THSD7B: variants seen among roughly 807,000 people sequenced by gnomAD.
THSD7B encodes thrombospondin type 1 domain containing 7B.
A neutral mutation model predicts 213.6 loss-of-function variants in THSD7B; 138 were observed. That is an observed-to-expected ratio of 0.65 (90% CI 0.56 to 0.74). THSD7B has a LOEUF of 0.74. Ranked by LOEUF, THSD7B falls within the 30% of genes least tolerant of loss-of-function variation. The pLI, the probability that THSD7B is intolerant of heterozygous loss-of-function variation, is 0.00. For synonymous variants in THSD7B, 742 were observed against 687.0 expected, an observed-to-expected ratio of 1.08 and a Z score of -1.25; for missense variants, 1,931 against 1,991.5, an observed-to-expected ratio of 0.97 and a Z score of 0.58.
intron 15 of THSD7B, among the ~76,000 whole-genome samples, chr2:137,539,208 ATATT>A (rs1406033869): frequency 2.0e-5 from 3 of 151,836 alleles, no homozygotes; most frequent in African/African-American, 7.2e-5. Flanking sequence ...GACTGGAGTG[ATATT>A]TATAATGCCT....
intron 15 of THSD7B, among the ~76,000 whole-genome samples, chr2:137,471,906 T>G (rs2105093499): frequency 6.6e-6 from 1 of 152,316 alleles, no homozygotes; most frequent in South Asian, 2.1e-4. Context: ...TGTTGTTTTC[T>G]TACGGTTGCT....
intron 2 of THSD7B, among the ~76,000 whole-genome samples, chr2:136,895,659 A>G (rs577053219): frequency 5.6e-4 from 85 of 151,758 alleles, no homozygotes; most frequent in African/African-American, 2.0e-3. Flanking sequence ...TTTAAAATGT[A>G]TAATTCAAAC....
intron 12 of THSD7B, among the ~76,000 whole-genome samples, chr2:137,395,630 T>C (rs1686160855): frequency 6.6e-6 from 1 of 152,236 alleles, no homozygotes; most frequent in African/African-American, 2.4e-5. Context: ...TTCTCTTTTT[T>C]TGTTGTGTCT....
At chr2:137,036,194 A>G (rs1441603272) in intron 2 of THSD7B, among the ~76,000 whole-genome samples, 1 of 152,164 alleles carries the variant, frequency 6.6e-6, no homozygotes, top group African/African-American at 2.4e-5. Context: ...CTTCATATCA[A>G]AACATTCCAT....
chr2:137,092,589 C>A (rs1687969226), intron 3 of THSD7B, among the ~76,000 whole-genome samples: 1 of 152,038 alleles, frequency 6.6e-6, no homozygotes, highest in Non-Finnish European at 1.5e-5. Flanking sequence ...TAAATGATCG[C>A]TCCCCCATTT....
At chr2:137,297,350 C>CT (rs528905312) in intron 12 of THSD7B, among the ~76,000 whole-genome samples, 14,136 of 144,108 alleles carry the variant, frequency 0.098, 797 homozygotes, top group Non-Finnish European at 0.13. Context: ...CTTCCTTCCT[C>CT]TTTTTTTTTT....
chr2:137,489,268 A>G (rs1688552051), intron 15 of THSD7B, among the ~76,000 whole-genome samples: 1 of 151,844 alleles, frequency 6.6e-6, no homozygotes. Flanking sequence ...CTACTAAAAT[A>G]CAAAAAATTA....
rs542332585 is a variant in THSD7B, at chr2:137,310,884, A to G, written c.2500+34858A>G. ...TCTATATCTCTGTTTTGGTACCAGT[A>G]CCATGCTGTTTTGGTTACTGTAGCC... On this transcript the variant is annotated intron_variant, in intron 12 of 27. Transcript: ENST00000409968. Among the ~76,000 whole-genome samples the G allele has an allele frequency of 3.2e-4, 49 of 152,234 alleles. 1 individual carries two copies. The East Asian group carries it at 8.5e-3, about 26-fold the overall frequency.
At chr2:137,318,909 C>T (rs1684193914) in intron 12 of THSD7B, among the ~76,000 whole-genome samples, 1 of 150,516 alleles carries the variant, frequency 6.6e-6, no homozygotes. Flanking sequence ...ATTCTCCTGC[C>T]TCAGCCTCCC....
intron 7 of THSD7B, among the ~76,000 whole-genome samples, chr2:137,208,978 C>T (rs751080815): frequency 1.6e-4 from 24 of 151,958 alleles, no homozygotes; most frequent in Non-Finnish European, 2.9e-4. Context: ...AATTAAAGCC[C>T]CTCTCATAAT....
chr2:137,555,400 T>G (rs946602342), intron 15 of THSD7B, among the ~76,000 whole-genome samples: 1 of 152,240 alleles, frequency 6.6e-6, no homozygotes, highest in Admixed American at 6.5e-5. Context: ...TTCGCTGTTC[T>G]GCAGCATCTG....
At chr2:137,298,849 C>A (rs1683529645) in intron 12 of THSD7B, among the ~76,000 whole-genome samples, 1 of 152,194 alleles carries the variant, frequency 6.6e-6, no homozygotes, top group East Asian at 1.9e-4. Context: ...GATGCCCAGG[C>A]AGAAGTTTGC....
chr2:136,817,708 C>G (rs956157533), intron 1 of THSD7B, among the ~76,000 whole-genome samples: 1 of 151,802 alleles, frequency 6.6e-6, no homozygotes, highest in African/African-American at 2.4e-5. Flanking sequence ...AAGAAAAAAA[C>G]AAACAACCCC....
At chr2:137,629,407 A>G (rs1313118254) in intron 20 of THSD7B, among the ~76,000 whole-genome samples, 2 of 152,186 alleles carry the variant, frequency 1.3e-5, no homozygotes, top group African/African-American at 4.8e-5. Context: ...ACCCCAAATC[A>G]TAAGTTTAGT....
intron 10 of THSD7B, among the ~76,000 whole-genome samples, chr2:137,268,060 C>G (rs1682637616): frequency 6.6e-6 from 1 of 152,160 alleles, no homozygotes; most frequent in East Asian, 1.9e-4. Flanking sequence ...TATCATTCTC[C>G]CTTGACACAA....
At chr2:136,973,873 TA>T (rs1685440918) in intron 2 of THSD7B, among the ~76,000 whole-genome samples, 1 of 152,202 alleles carries the variant, frequency 6.6e-6, no homozygotes, top group East Asian at 1.9e-4. Flanking sequence ...TGATTTGTGT[TA>T]ATTTGAGACA....
rs1402625281 is a variant in THSD7B at position 137,560,647 on chromosome 2, C to A, written c.3139-2574C>A. The stretch of plus-strand genomic sequence containing the variant: ...TAATGGGTGCAGCACACCAACATGG[C>A]ACATGTATACATATGTAACAAACCT... On this transcript the variant is annotated intron_variant, in intron 15 of 27. Coordinates refer to ENST00000409968, the MANE Select transcript of THSD7B (RefSeq NM_001316349.2). Among the ~76,000 whole-genome samples, 2 of 152,062 alleles carry A rather than the reference C, an allele frequency of 1.3e-5. 1 individual carries two copies. The highest frequency in any genetic ancestry group is 2.9e-5 in the Non-Finnish European group (2 of 68,022).
At chr2:137,297,268 A>G (rs1345646771) in intron 12 of THSD7B, among the ~76,000 whole-genome samples, 1 of 150,368 alleles carries the variant, frequency 6.7e-6, no homozygotes, top group Non-Finnish European at 1.5e-5. Flanking sequence ...GGGGTGACAG[A>G]GCAAGACTCT....
At chr2:137,668,345 C>T (rs1335129342) in intron 27 of THSD7B, among the ~76,000 whole-genome samples, 1 of 151,740 alleles carries the variant, frequency 6.6e-6, no homozygotes, top group Non-Finnish European at 1.5e-5. Flanking sequence ...GTTAAAATGA[C>T]CAGTTGGTTG....
Sources: allele counts gnomAD v4.1 joint callset (sites outside exome capture counted in the v4.1 genomes callset), GRCh38; gene constraint gnomAD v4.1.1; transcripts MANE v1.5; gene names NCBI Gene and HGNC (gene_info 2026-07-23, HGNC 2026-07-21).